The following LUZP2 variants were observed in gnomAD, a reference collection of about 807,000 sequenced individuals.
LUZP2 encodes leucine zipper protein 2.
LUZP2 carries 52 observed loss-of-function variants against 51.6 expected under a neutral mutation model. That is an observed-to-expected ratio of 1.01 (90% CI 0.81 to 1.27). LUZP2 has a LOEUF of 1.27. Among genes scored for constraint, LUZP2 ranks in the 50% most tolerant of loss-of-function variants. LUZP2 has a pLI of 0.00. For synonymous variants in LUZP2, 154 were observed against 137.3 expected (o/e 1.12, Z -0.85); for missense variants, 436 against 395.4 (o/e 1.10, Z -0.87).
intron 7 of LUZP2, among the ~76,000 whole-genome samples, chr11:24,969,595 T>C (rs1331935818): frequency 6.6e-6 from 1 of 152,204 alleles, no homozygotes; most frequent in African/African-American, 2.4e-5. Flanking sequence ...TATCTTCCCT[T>C]AGATGAAGAA....
At chr11:24,838,414 T>A (rs942406582) in intron 5 of LUZP2, among the ~76,000 whole-genome samples, 2 of 151,660 alleles carry the variant, frequency 1.3e-5, no homozygotes, top group Non-Finnish European at 3.0e-5. Context: ...TTGTCCATGA[T>A]TATAGATTAG....
chr11:25,050,429 C>T (rs764948924), intron 10 of LUZP2, among the ~76,000 whole-genome samples: 3 of 151,288 alleles, frequency 2.0e-5, no homozygotes, highest in Non-Finnish European at 4.4e-5. Flanking sequence ...CTCAGCCTCC[C>T]GAGTAGCTGG....
chr11:25,078,248 G>A (rs76926762), intron 11 of LUZP2, among the ~76,000 whole-genome samples: 5,323 of 152,200 alleles, frequency 0.035, 153 homozygotes, highest in Non-Finnish European at 0.058. Flanking sequence ...ATACTAAAAC[G>A]TGGAGTTAGA....
chr11:24,780,800 A>G (rs1483378167), intron 5 of LUZP2, among the ~76,000 whole-genome samples: 1 of 152,156 alleles, frequency 6.6e-6, no homozygotes, highest in African/African-American at 2.4e-5. Context: ...TCTGTGGTTT[A>G]TATCACATCT....
chr11:24,937,397 A>G (rs1484452142), intron 7 of LUZP2, among the ~76,000 whole-genome samples: 1 of 152,224 alleles, frequency 6.6e-6, no homozygotes, highest in Admixed American at 6.5e-5. Flanking sequence ...TCAGTAAAAT[A>G]TGAATGAGAT....
intron 5 of LUZP2, among the ~76,000 whole-genome samples, chr11:24,860,279 C>G (rs7130921): frequency 0.16 from 23,655 of 152,072 alleles, 1,993 homozygotes; most frequent in African/African-American, 0.21. Context: ...AGAGGCTCAG[C>G]GACAGAATCT....
chr11:24,863,712 A>C (rs1851805804), intron 5 of LUZP2, among the ~76,000 whole-genome samples: 1 of 152,172 alleles, frequency 6.6e-6, no homozygotes, highest in African/African-American at 2.4e-5. Context: ...TATTATATAA[A>C]TTGCATCTAA....
intron 6 of LUZP2, among the ~76,000 whole-genome samples, chr11:24,908,317 G>A (rs1177784462): frequency 6.6e-6 from 1 of 152,050 alleles, no homozygotes; most frequent in Non-Finnish European, 1.5e-5. Context: ...AAGAAATGCT[G>A]TTTGAACATG....
At chr11:24,963,578 G>C (rs1855486677) in intron 7 of LUZP2, among the ~76,000 whole-genome samples, 1 of 147,676 alleles carries the variant, frequency 6.8e-6, no homozygotes, top group African/African-American at 2.4e-5. Context: ...CCATGTGCGG[G>C]ATATAATCTC....
At chr11:24,974,974 G>A (rs1014570268) in intron 7 of LUZP2, among the ~76,000 whole-genome samples, 6 of 152,112 alleles carry the variant, frequency 3.9e-5, no homozygotes, top group South Asian at 4.2e-4. Flanking sequence ...AGTGATCTTG[G>A]CTGGGCTGAA....
chr11:24,871,861 A>G (rs769915806), intron 5 of LUZP2, among the ~76,000 whole-genome samples: 1 of 152,152 alleles, frequency 6.6e-6, no homozygotes, highest in Non-Finnish European at 1.5e-5. Flanking sequence ...CATGCTATGC[A>G]GTTACGTTAG....
chr11:24,962,955 T>A (rs1428774395), intron 7 of LUZP2, among the ~76,000 whole-genome samples: 1 of 152,230 alleles, frequency 6.6e-6, no homozygotes, highest in East Asian at 1.9e-4. Flanking sequence ...GGATGTCCTT[T>A]CTGTTTGTTA....
intron 5 of LUZP2, among the ~76,000 whole-genome samples, chr11:24,784,762 C>T (rs1049263744): frequency 7.2e-5 from 11 of 151,896 alleles, no homozygotes; most frequent in African/African-American, 2.2e-4. Context: ...AAGGTAGAAT[C>T]TGCATGAAAG....
At chr11:24,785,509 C>A (rs1486697) in intron 5 of LUZP2, among the ~76,000 whole-genome samples, 87,282 of 151,496 alleles carry the variant, frequency 0.58, 25,998 homozygotes, top group Non-Finnish European at 0.67. Flanking sequence ...TTGATACTTA[C>A]TTGGGAATAT....
At chr11:24,618,262 G>A (rs1181400888) in intron 1 of LUZP2, among the ~76,000 whole-genome samples, 14 of 152,218 alleles carry the variant, frequency 9.2e-5, no homozygotes, top group Admixed American at 9.2e-4. Flanking sequence ...TGGATATGAT[G>A]TAAGTCCAGG....
At chr11:24,986,722 GA>G (rs1165144010) in intron 9 of LUZP2, among the ~76,000 whole-genome samples, 1 of 151,524 alleles carries the variant, frequency 6.6e-6, no homozygotes, top group Non-Finnish European at 1.5e-5. Flanking sequence ...ATAGCATTCT[GA>G]AAAAACTCAC....
chr11:24,902,148 A>C (rs906139967), intron 5 of LUZP2, among the ~76,000 whole-genome samples: 3 of 152,174 alleles, frequency 2.0e-5, no homozygotes, highest in Non-Finnish European at 2.9e-5. Context: ...ACATCTAATA[A>C]TAGTAATTAG....
rs551494901 is a variant in LUZP2, at chr11:25,065,265, C to T, written c.859-12064C>T. ...GGCACACAGTCATCACCTGGTACAT[C>T]TTTATTAAGGGCCAAGTGAATGAAC... is the stretch of plus-strand genomic sequence containing the variant. On this transcript the variant is annotated intron_variant, in intron 10 of 11. Coordinates refer to ENST00000336930, the MANE Select transcript of LUZP2 (RefSeq NM_001009909.4). Among the ~76,000 whole-genome samples the T allele has an allele frequency of 5.1e-4, 77 of 152,132 alleles. 1 individual carries two copies. In the Middle Eastern group the frequency reaches 0.01, roughly 20 times the overall value.
intron 1 of LUZP2, among the ~76,000 whole-genome samples, chr11:24,637,908 A>G (rs1442176240): frequency 6.6e-6 from 1 of 151,782 alleles, no homozygotes; most frequent in Non-Finnish European, 1.5e-5. Context: ...CTGTTCGTAC[A>G]TCCCCTCCCC....
Sources: allele counts gnomAD v4.1 joint callset (sites outside exome capture counted in the v4.1 genomes callset), GRCh38; gene constraint gnomAD v4.1.1; transcripts MANE v1.5; gene names NCBI Gene and HGNC (gene_info 2026-07-23, HGNC 2026-07-21).